SCOC: variants seen among roughly 807,000 people sequenced by gnomAD.
SCOC encodes the protein short coiled coil protein.
A neutral mutation model predicts 9.9 loss-of-function variants in SCOC; 7 were observed. That is an observed-to-expected ratio of 0.71 (90% CI 0.40 to 1.33). The LOEUF (loss-of-function observed/expected upper bound fraction) is 1.33. Ranked by LOEUF, SCOC falls within the 40% of genes most tolerant of loss-of-function variation. SCOC has a pLI of 0.01. For synonymous variants in SCOC, 19 were observed against 28.2 expected, an observed-to-expected ratio of 0.67 and a Z score of 1.03; for missense variants, 66 against 89.7, an observed-to-expected ratio of 0.74 and a Z score of 1.07.
intron 2 of SCOC, chr4:140,366,227 A>T (rs1727788997): frequency 1.3e-6 from 1 of 765,792 alleles, no homozygotes; most frequent in Non-Finnish European, 1.7e-6. Context: ...TTACTTTTCT[A>T]ATCACCTCTT....
chr4:140,319,225 G>A (rs1423576107), intron 1 of SCOC, among the ~76,000 whole-genome samples: 1 of 152,112 alleles, frequency 6.6e-6, no homozygotes, highest in Non-Finnish European at 1.5e-5. Context: ...CTGAGTAGCT[G>A]GGATTACAGC....
intron 1 of SCOC, among the ~76,000 whole-genome samples, chr4:140,331,420 G>A (rs540727940): frequency 4.0e-5 from 6 of 151,690 alleles, no homozygotes; most frequent in Non-Finnish European, 7.4e-5. Flanking sequence ...TCCTTATTTT[G>A]TAGCCACTAT....
At chr4:140,305,816 A>G (rs919470003) in intron 1 of SCOC, among the ~76,000 whole-genome samples, 10 of 152,124 alleles carry the variant, frequency 6.6e-5, no homozygotes, top group African/African-American at 2.4e-4. Flanking sequence ...AGAGAGTAAC[A>G]AGTCAGCATT....
upstream of SCOC, among the ~76,000 whole-genome samples, chr4:140,371,132 G>A (rs1247098779): frequency 1.3e-5 from 2 of 152,056 alleles, no homozygotes; most frequent in African/African-American, 2.4e-5. Context: ...TGATCCACCC[G>A]CCTCGACCTC....
chr4:140,268,034 A>G (rs1186869402), intron 1 of SCOC, among the ~76,000 whole-genome samples: 1 of 151,974 alleles, frequency 6.6e-6, no homozygotes, highest in Non-Finnish European at 1.5e-5. Context: ...GGCTTACTTG[A>G]CCCCATTCTC....
intron 1 of SCOC, among the ~76,000 whole-genome samples, chr4:140,259,279 T>C (rs1267106074): frequency 6.6e-6 from 1 of 152,244 alleles, no homozygotes; most frequent in Non-Finnish European, 1.5e-5. Flanking sequence ...TTGTTGTCCT[T>C]TCTTCACTTC....
intron 1 of SCOC, among the ~76,000 whole-genome samples, chr4:140,304,687 C>T (rs573716597): frequency 1.3e-5 from 2 of 152,220 alleles, no homozygotes; most frequent in South Asian, 4.2e-4. Flanking sequence ...TGGGGAGACT[C>T]TTAGCTAGAT....
At chr4:140,329,882 GA>G (rs1384013674) in intron 1 of SCOC, among the ~76,000 whole-genome samples, 1 of 152,202 alleles carries the variant, frequency 6.6e-6, no homozygotes, top group Non-Finnish European at 1.5e-5. Context: ...AGCCACTGTG[GA>G]AAACAGTGTG....
chr4:140,358,309 C>T (rs1045417142), intron 2 of SCOC, among the ~76,000 whole-genome samples: 2 of 152,220 alleles, frequency 1.3e-5, no homozygotes, highest in African/African-American at 4.8e-5. Context: ...AGTCCATTAA[C>T]TGTTCACATA....
chr4:140,293,526 G>T, intron 1 of SCOC: 3 of 388,290 alleles, frequency 7.7e-6, no homozygotes, highest in Non-Finnish European at 1.0e-5. Flanking sequence ...TGGATAGGAA[G>T]AAAGGAAGGA....
At chr4:140,292,771 A>C (rs908668340) in intron 1 of SCOC, among the ~76,000 whole-genome samples, 4 of 152,164 alleles carry the variant, frequency 2.6e-5, no homozygotes, top group African/African-American at 9.7e-5. Flanking sequence ...GCTTCAGAGG[A>C]ATCTAAAGCA....
At chr4:140,323,907 C>T (rs1375671676) in intron 1 of SCOC, among the ~76,000 whole-genome samples, 1 of 151,946 alleles carries the variant, frequency 6.6e-6, no homozygotes, top group Non-Finnish European at 1.5e-5. Flanking sequence ...AACCAGCTTG[C>T]ACATTGCAAG....
chr4:140,324,276 A>G (rs1403414123), intron 1 of SCOC, among the ~76,000 whole-genome samples: 1 of 152,168 alleles, frequency 6.6e-6, no homozygotes, highest in Non-Finnish European at 1.5e-5. Context: ...TGAATGTTTT[A>G]CCCTCCAAAA....
chr4:140,373,850 T>C (rs1578880748), intron 1 of SCOC, 133 bp downstream of exon 1: 1 of 1,000,552 alleles, frequency 1.0e-6, no homozygotes, highest in East Asian at 2.6e-5. Flanking sequence ...AGGAGCGGTC[T>C]CGGGCCTGGG....
chr4:140,337,840 C>A (rs536447720), intron 1 of SCOC, among the ~76,000 whole-genome samples: 2 of 152,064 alleles, frequency 1.3e-5, no homozygotes, highest in African/African-American at 4.8e-5. Flanking sequence ...CGGGACCAGA[C>A]GGATTCACAG....
At chr4:140,345,155 C>T (rs1481186171) in intron 2 of SCOC, among the ~76,000 whole-genome samples, 1 of 152,086 alleles carries the variant, frequency 6.6e-6, no homozygotes, top group Non-Finnish European at 1.5e-5. Context: ...GGAGCCTGGA[C>T]GTGTGGGCAT....
chr4:140,288,432 C>T (rs1731363862), intron 1 of SCOC, among the ~76,000 whole-genome samples: 1 of 148,528 alleles, frequency 6.7e-6, no homozygotes, highest in Non-Finnish European at 1.5e-5. Flanking sequence ...CACAGGTACA[C>T]ATCACACATG....
At position 140,385,628 on chromosome 4, in the gene SCOC, A is replaced by AAT. The variant is rs1483536549; in HGVS notation, c.*4525_*4526dup. 2.6e-5 allele frequency: 4 copies of AAT among 152,198 alleles called. No individual in the cohort carries two copies. The highest frequency in any genetic ancestry group is 9.7e-5 in the African/African-American group (4 of 41,446). 9.4% of individuals were successfully genotyped at this position (152,198 alleles called of 1,614,324 possible). ...GAGAAATATGGTAGTTGAATTATAA[A>AAT]ATCTAAAATTAATTTTGTGGTCCAA... On this transcript the variant is annotated 3_prime_UTR_variant, in exon 4 of 4. Coordinates refer to ENST00000608372, the MANE Select transcript of SCOC (RefSeq NM_001153484.2).
upstream of SCOC, among the ~76,000 whole-genome samples, chr4:140,342,640 T>G (rs933483875): frequency 6.6e-6 from 1 of 152,224 alleles, no homozygotes; most frequent in African/African-American, 2.4e-5. Flanking sequence ...GAATGTAGCA[T>G]GTAGTAACAA....
Sources: allele counts gnomAD v4.1 joint callset (sites outside exome capture counted in the v4.1 genomes callset), GRCh38; gene constraint gnomAD v4.1.1; transcripts MANE v1.5; gene names NCBI Gene and HGNC (gene_info 2026-07-23, HGNC 2026-07-21).